The following AKAP6 variants were observed in gnomAD, a reference collection of about 807,000 sequenced individuals.
The protein encoded by AKAP6 is A-kinase anchor protein 6.
AKAP6 carries 58 observed loss-of-function variants against 188.5 expected under a neutral mutation model. The observed-to-expected ratio is 0.31, with a 90% confidence interval of 0.25 to 0.38. The LOEUF (loss-of-function observed/expected upper bound fraction) is 0.38, where lower values mean the gene tolerates loss of function less well. AKAP6 is among the 10% of genes least tolerant of loss of function. The pLI is 1.00. For synonymous variants in AKAP6, 989 were observed against 998.6 expected, an observed-to-expected ratio of 0.99 and a Z score of 0.18; for missense variants, 2,710 against 2,740.0, an observed-to-expected ratio of 0.99 and a Z score of 0.24.
At chr14:32,763,676 G>A (rs998071030) in intron 11 of AKAP6, among the ~76,000 whole-genome samples, 1 of 152,244 alleles carries the variant, frequency 6.6e-6, no homozygotes, top group African/African-American at 2.4e-5. Flanking sequence ...ATGATTGCAT[G>A]TTGTGCCATT....
intron 12 of AKAP6, among the ~76,000 whole-genome samples, chr14:32,791,310 C>T (rs541892045): frequency 6.6e-6 from 1 of 152,288 alleles, no homozygotes; most frequent in East Asian, 1.9e-4. Context: ...GATCACCATT[C>T]TAACAGTCAT....
chr14:32,469,157 A>G (rs1348451132), intron 2 of AKAP6, among the ~76,000 whole-genome samples: 1 of 152,186 alleles, frequency 6.6e-6, no homozygotes, highest in East Asian at 1.9e-4. Flanking sequence ...ACTTTGTGCC[A>G]GGAAATAATT....
chr14:32,351,113 T>A (rs1455704509), intron 1 of AKAP6, among the ~76,000 whole-genome samples: 2 of 152,192 alleles, frequency 1.3e-5, no homozygotes, highest in Non-Finnish European at 2.9e-5. Context: ...GAATATTGCT[T>A]CCACAAAGGT....
At chr14:32,609,635 G>T (rs947820176) in intron 7 of AKAP6, among the ~76,000 whole-genome samples, 3 of 152,108 alleles carry the variant, frequency 2.0e-5, no homozygotes, top group Non-Finnish European at 4.4e-5. Flanking sequence ...TGAGTGAGAA[G>T]AGGGAGAGGG....
chr14:32,545,514 T>C lies in AKAP6; in HGVS notation c.861T>C (p.Ser287=). 1 of 1,614,216 alleles carries C rather than the reference T, an allele frequency of 6.2e-7. No individual in the cohort carries two copies. ...VAADSISTNG[S]EAVTEEVSQV... ...CTGACTCTATCTCTACCAATGGCAG[T>C]GAAGCAGTTACTGAGGAGGTATCTC... The change falls in exon 4 of 14, where the codon AGT becomes AGC. Residue 287 remains serine (S), a synonymous_variant. Coordinates refer to ENST00000280979, the MANE Select transcript of AKAP6 (RefSeq NM_004274.5).
chr14:32,356,111 T>G (rs1219920660), intron 1 of AKAP6, among the ~76,000 whole-genome samples: 1 of 152,218 alleles, frequency 6.6e-6, no homozygotes, highest in Non-Finnish European at 1.5e-5. Flanking sequence ...CTGCTAATAC[T>G]TCTTTGAATT....
intron 2 of AKAP6, among the ~76,000 whole-genome samples, chr14:32,521,851 G>A (rs1566553293): frequency 6.6e-6 from 1 of 152,132 alleles, no homozygotes; most frequent in Non-Finnish European, 1.5e-5. Context: ...TAAAGTTCAT[G>A]TGCAACCAAA....
intron 12 of AKAP6, among the ~76,000 whole-genome samples, chr14:32,805,064 A>T (rs142701152): frequency 3.3e-4 from 50 of 152,328 alleles, no homozygotes; most frequent in African/African-American, 1.1e-3. Context: ...TGTACAGTTA[A>T]CACAATTATC....
At position 32,723,585 on chromosome 14, in the gene AKAP6, G is replaced by GTT. The variant is rs1555356070; in HGVS notation, c.3001-8868_3001-8867insTT. Among the ~76,000 whole-genome samples, 618 of 151,530 alleles carry GTT rather than the reference G, an allele frequency of 4.1e-3. 1 individual carries two copies. The highest frequency in any genetic ancestry group is 8.5e-3 in the African/African-American group (352 of 41,332). On this transcript the variant is annotated intron_variant, in intron 9 of 13. Transcript: ENST00000280979. Reference sequence around the variant, plus strand: ...TGTGTGTGTGTGTGTGTGTGTGTGTGTGTGTGTATAGGCTTTAAAATGTAT... The same window carrying GTT: ...TGTGTGTGTGTGTGTGTGTGTGTGTGTTTGTGTGTATAGGCTTTAAAATGTAT...
intron 1 of AKAP6, among the ~76,000 whole-genome samples, chr14:32,387,643 A>T (rs1473217542): frequency 6.6e-6 from 1 of 151,582 alleles, no homozygotes; most frequent in African/African-American, 2.4e-5. Flanking sequence ...GGTGTATCAC[A>T]TTTATTGACT....
chr14:32,605,493 A>G (rs985039211), intron 7 of AKAP6, among the ~76,000 whole-genome samples: 1 of 152,236 alleles, frequency 6.6e-6, no homozygotes, highest in African/African-American at 2.4e-5. Context: ...CTTAATGATC[A>G]GTGATTTGAC....
At chr14:32,348,709 A>C (rs1335133763) in intron 1 of AKAP6, among the ~76,000 whole-genome samples, 2 of 152,078 alleles carry the variant, frequency 1.3e-5, no homozygotes, top group Non-Finnish European at 2.9e-5. Flanking sequence ...CACCGTGCCC[A>C]GCCCCATTGT....
At chr14:32,597,337 A>T (rs907631460) in intron 5 of AKAP6, among the ~76,000 whole-genome samples, 1 of 152,198 alleles carries the variant, frequency 6.6e-6, no homozygotes, top group African/African-American at 2.4e-5. Context: ...GGCTAAATTT[A>T]CAGTTATGAG....
intron 2 of AKAP6, among the ~76,000 whole-genome samples, chr14:32,502,203 G>C (rs1401848935): frequency 2.6e-4 from 40 of 152,058 alleles, no homozygotes; most frequent in Non-Finnish European, 2.9e-5. Context: ...GCTCTTAATG[G>C]TGAAATTATT....
chr14:32,767,746 C>T (rs2032762943), intron 11 of AKAP6, among the ~76,000 whole-genome samples: 1 of 152,118 alleles, frequency 6.6e-6, no homozygotes, highest in Non-Finnish European at 1.5e-5. Flanking sequence ...GGTTTTAGTC[C>T]CATGAATCCT....
chr14:32,582,342 T>C (rs1382120591), intron 5 of AKAP6, among the ~76,000 whole-genome samples: 1 of 152,158 alleles, frequency 6.6e-6, no homozygotes, highest in Non-Finnish European at 1.5e-5. Context: ...TTCTGGCTTG[T>C]AGAGTTTCTG....
intron 1 of AKAP6, among the ~76,000 whole-genome samples, chr14:32,430,850 T>TA (rs1316721112): frequency 2.6e-5 from 4 of 152,122 alleles, no homozygotes; most frequent in Non-Finnish European, 4.4e-5. Context: ...CTCATGCCTG[T>TA]AATCCCAGCA....
At chr14:32,584,760 T>C (rs1885152130) in intron 5 of AKAP6, among the ~76,000 whole-genome samples, 2 of 152,220 alleles carry the variant, frequency 1.3e-5, no homozygotes, top group African/African-American at 4.8e-5. Flanking sequence ...TTTTTCGGTC[T>C]GTCTTCTTAC....
In AKAP6 at chr14:32,579,181, C is replaced by T. The variant is rs570115080; in HGVS notation, c.2469+1939C>T. Among the ~76,000 whole-genome samples, 5 of 152,224 alleles carry T rather than the reference C, an allele frequency of 3.3e-5. No individual in the cohort carries two copies. The East Asian group carries it at 5.8e-4, about 18-fold the overall frequency. On this transcript the variant is annotated intron_variant, in intron 5 of 13. Transcript: ENST00000280979. ...GCCAGCTTTTTATAGGTGACCGTAA[C>T]GAACGGCAATATCTGTACCTGCCTC...
Sources: gnomAD v4.1 joint callset for allele counts (sites outside exome capture counted in the v4.1 genomes callset) on GRCh38, gnomAD v4.1.1 for gene constraint, MANE v1.5 for transcripts, NCBI Gene and HGNC (gene_info 2026-07-23, HGNC 2026-07-21) for gene names.